The following PLEKHA2 variants were observed in gnomAD, a reference collection of about 807,000 sequenced individuals.
The protein encoded by PLEKHA2 is pleckstrin homology domain-containing family A member 2.
A neutral mutation model predicts 53.2 loss-of-function variants in PLEKHA2; 28 were observed. The observed-to-expected ratio is 0.53, with a 90% CI of 0.39 to 0.72. The LOEUF is 0.72. Among genes scored for constraint, PLEKHA2 ranks in the 30% least tolerant of loss-of-function variants. The pLI is 0.00. For synonymous variants in PLEKHA2, 193 were observed against 196.4 expected (o/e 0.98, Z 0.14); for missense variants, 426 against 537.9 (o/e 0.79, Z 2.06).
chr8:38,917,802 G>A, intron 1 of PLEKHA2, 105 bp from the exon 2 acceptor site: 1 of 1,318,458 alleles, frequency 7.6e-7, no homozygotes, highest in Non-Finnish European at 1.0e-6. Flanking sequence ...CCCACGGAAG[G>A]AAGCTGGTGA....
In PLEKHA2 at chr8:38,951,366, G is replaced by A. The variant is rs374538079; in HGVS notation, c.486+376G>A. On this transcript the variant is annotated intron_variant, in intron 6 of 11. Transcript: ENST00000617275. ...CCTATCCTTCCCTTTCTCCTGGGTC[G>A]GCCCAACCTCCCTGATGCTGGTTCT... is the stretch of plus-strand genomic sequence containing the variant. Among the ~76,000 whole-genome samples, 79 of 152,158 alleles carry A rather than the reference G, an allele frequency of 5.2e-4. No individual in the cohort carries two copies. In the East Asian group the frequency reaches 6.6e-3, roughly 13 times the overall value.
chr8:38,967,867 G>T (rs544977826), intron 10 of PLEKHA2, among the ~76,000 whole-genome samples: 2 of 152,134 alleles, frequency 1.3e-5, no homozygotes, highest in East Asian at 3.9e-4. Flanking sequence ...TCACCATGTT[G>T]CCCAGGCTGG....
At position 38,952,755 on chromosome 8, in the gene PLEKHA2, G is replaced by A. The variant is rs544791895; in HGVS notation, c.702+51G>A. The A allele has an allele frequency of 1.6e-5, 25 of 1,551,106 alleles. No homozygotes were observed. The East Asian group carries it at 2.5e-4, about 15-fold the overall frequency. ...TGAGAGGTCATGGAAACTAAGAGGT[G>A]CATAGGTGCACACCCACAGGAGAGC... On this transcript the variant is annotated intron_variant, in intron 8 of 11. Transcript: ENST00000617275.
chr8:38,945,792 C>A (rs143078650), intron 4 of PLEKHA2, among the ~76,000 whole-genome samples: 1 of 152,180 alleles, frequency 6.6e-6, no homozygotes, highest in Admixed American at 6.5e-5. Flanking sequence ...GTATTAGCAC[C>A]GCCAGAATGC....
chr8:38,958,322 C>CAA (rs11380924), intron 10 of PLEKHA2, among the ~76,000 whole-genome samples: 3 of 150,416 alleles, frequency 2.0e-5, no homozygotes, highest in South Asian at 4.2e-4. Context: ...GACTTTGTCT[C>CAA]AAAAAAAAGG....
intron 2 of PLEKHA2, among the ~76,000 whole-genome samples, chr8:38,929,157 A>C (rs1181381371): frequency 6.6e-6 from 1 of 152,198 alleles, no homozygotes; most frequent in African/African-American, 2.4e-5. Flanking sequence ...ATGTCAGCTC[A>C]TGCCCTAGCT....
chr8:38,930,872 C>A (rs1468516169), intron 2 of PLEKHA2, among the ~76,000 whole-genome samples: 1 of 152,226 alleles, frequency 6.6e-6, no homozygotes, highest in Non-Finnish European at 1.5e-5. Context: ...TGACCTCCAA[C>A]CTGGAAGCAC....
chr8:38,945,186 G>C (rs1247052591), intron 4 of PLEKHA2, among the ~76,000 whole-genome samples: 1 of 152,200 alleles, frequency 6.6e-6, no homozygotes, highest in East Asian at 1.9e-4. Flanking sequence ...AGTGCTATGA[G>C]CAAATGCTAA....
intron 2 of PLEKHA2, among the ~76,000 whole-genome samples, chr8:38,923,593 T>C (rs768852289): frequency 1.3e-4 from 20 of 152,306 alleles, no homozygotes; most frequent in Non-Finnish European, 2.5e-4. Context: ...TTAACACATA[T>C]TTACTAAATT....
chr8:38,932,585 C>T (rs1008280760), intron 2 of PLEKHA2, among the ~76,000 whole-genome samples: 3 of 152,326 alleles, frequency 2.0e-5, no homozygotes, highest in African/African-American at 7.2e-5. Context: ...TAACCAGGCC[C>T]TCAGCTCAGG....
chr8:38,942,453 C>CA (rs1003554230), intron 3 of PLEKHA2, among the ~76,000 whole-genome samples: 19 of 151,964 alleles, frequency 1.3e-4, no homozygotes, highest in Non-Finnish European at 2.8e-4. Flanking sequence ...AAAGAAAACC[C>CA]AAAAAAACCC....
intron 1 of PLEKHA2, among the ~76,000 whole-genome samples, chr8:38,910,501 G>A (rs1833939819): frequency 6.6e-6 from 1 of 152,162 alleles, no homozygotes; most frequent in Non-Finnish European, 1.5e-5. Context: ...CTCACTAGAT[G>A]TCATTATGTA....
At chr8:38,903,320 T>C (rs1041570354) in intron 1 of PLEKHA2, among the ~76,000 whole-genome samples, 1 of 152,368 alleles carries the variant, frequency 6.6e-6, no homozygotes, top group Admixed American at 6.5e-5. Context: ...CACAGATTGG[T>C]AATTACCTTG....
intron 1 of PLEKHA2, among the ~76,000 whole-genome samples, chr8:38,907,830 G>A (rs1233862162): frequency 8.4e-6 from 1 of 119,018 alleles, no homozygotes. Flanking sequence ...ATGTATGTAT[G>A]TATGTATGTA....
intron 5 of PLEKHA2, among the ~76,000 whole-genome samples, chr8:38,947,762 G>A (rs984816039): frequency 6.6e-6 from 1 of 152,024 alleles, no homozygotes; most frequent in East Asian, 1.9e-4. Flanking sequence ...CCAAGCTTCT[G>A]TGCCTCCTTT....
chr8:38,953,871 T>A (rs751315105), intron 9 of PLEKHA2, among the ~76,000 whole-genome samples: 3 of 152,186 alleles, frequency 2.0e-5, no homozygotes, highest in Non-Finnish European at 4.4e-5. Context: ...TTACTCCCAC[T>A]GGGAAGGAAG....
At chr8:38,903,434 G>T (rs1207896789) in intron 1 of PLEKHA2, among the ~76,000 whole-genome samples, 1 of 152,102 alleles carries the variant, frequency 6.6e-6, no homozygotes, top group Admixed American at 6.5e-5. Flanking sequence ...AAGGAAATAG[G>T]GCCTGCAGAT....
At chr8:38,968,873 A>G in intron 11 of PLEKHA2, 1 of 474,960 alleles carries the variant, frequency 2.1e-6, no homozygotes, top group Non-Finnish European at 3.7e-6. Context: ...GAGGTGAGGT[A>G]GGGTTAGATA....
intron 1 of PLEKHA2, among the ~76,000 whole-genome samples, chr8:38,906,731 C>G (rs1231384935): frequency 6.6e-6 from 1 of 152,128 alleles, no homozygotes; most frequent in African/African-American, 2.4e-5. Flanking sequence ...AATCTTTGAC[C>G]CATTCTCAGG....
Sources: allele counts gnomAD v4.1 joint callset (sites outside exome capture counted in the v4.1 genomes callset), GRCh38; gene constraint gnomAD v4.1.1; transcripts MANE v1.5; gene names NCBI Gene and HGNC (gene_info 2026-07-23, HGNC 2026-07-21).